The following GRIP2 variants were observed in gnomAD, a reference collection of about 807,000 sequenced individuals.
GRIP2 encodes glutamate receptor interacting protein 2.
A neutral mutation model predicts 108.3 loss-of-function variants in GRIP2; 58 were observed. That is an observed-to-expected ratio of 0.54 (90% confidence interval 0.43 to 0.67). The LOEUF (loss-of-function observed/expected upper bound fraction) is 0.67, where lower values mean the gene tolerates loss of function less well. GRIP2 is among the 30% of genes least tolerant of loss of function. The pLI is 0.00. For missense variants in GRIP2, 1,278 were observed against 1,430.6 expected, an observed-to-expected ratio of 0.89 and a Z score of 1.72; for synonymous variants, 586 against 598.2, an observed-to-expected ratio of 0.98 and a Z score of 0.30.
chr3:14,497,088 A>C (rs917535806), intron 21 of GRIP2, among the ~76,000 whole-genome samples: 1 of 151,902 alleles, frequency 6.6e-6, no homozygotes, highest in Non-Finnish European at 1.5e-5. Flanking sequence ...CATCCTCCTG[A>C]ATAGCTGGAA....
chr3:14,551,753 C>CG, intron 1 of GRIP2, among the ~76,000 whole-genome samples: 2 of 152,280 alleles, frequency 1.3e-5, no homozygotes, highest in East Asian at 3.9e-4. Flanking sequence ...GGAACGCCCC[C>CG]GGGGTGAAAT....
intron 9 of GRIP2, 140 bp from the exon 10 acceptor site, chr3:14,518,037 C>T: frequency 9.8e-7 from 1 of 1,019,806 alleles, no homozygotes; most frequent in Non-Finnish European, 1.4e-6. Context: ...CTCACATGTC[C>T]CGGACGCCTA....
intron 17 of GRIP2, among the ~76,000 whole-genome samples, chr3:14,508,198 T>C (rs1475047006): frequency 6.6e-6 from 1 of 152,202 alleles, no homozygotes; most frequent in African/African-American, 2.4e-5. Context: ...ATGGGCATAA[T>C]CACCAGCGCC....
intron 11 of GRIP2, among the ~76,000 whole-genome samples, chr3:14,515,130 A>G (rs1446535713): frequency 6.6e-6 from 1 of 152,198 alleles, no homozygotes; most frequent in Non-Finnish European, 1.5e-5. Context: ...ACTTGGCATA[A>G]TGTTTTCAAG....
chr3:14,568,431 A>C, the GRIP2 span, among the ~76,000 whole-genome samples: 1 of 152,174 alleles, frequency 6.6e-6, no homozygotes, highest in Admixed American at 6.5e-5. Flanking sequence ...TTTACAGAGG[A>C]GGAACCTGAG....
At chr3:14,601,566 A>G in the GRIP2 span, among the ~76,000 whole-genome samples, 1 of 152,174 alleles carries the variant, frequency 6.6e-6, no homozygotes, top group East Asian at 1.9e-4. Context: ...CTCGCTGGGC[A>G]CACCTATAGG....
intron 1 of GRIP2, among the ~76,000 whole-genome samples, chr3:14,532,182 C>T (rs1024358355): frequency 9.2e-5 from 14 of 152,252 alleles, no homozygotes; most frequent in African/African-American, 3.4e-4. Flanking sequence ...GGCCCACGCG[C>T]CCTCCCATCC....
At chr3:14,585,312 C>G in the GRIP2 span, among the ~76,000 whole-genome samples, 44 of 152,352 alleles carry the variant, frequency 2.9e-4, no homozygotes, top group Admixed American at 1.0e-3. Flanking sequence ...TGAGCCACCA[C>G]GCCTGGCCAT....
chr3:14,568,719 G>A, the GRIP2 span, among the ~76,000 whole-genome samples: 3 of 152,206 alleles, frequency 2.0e-5, no homozygotes, highest in Non-Finnish European at 4.4e-5. Flanking sequence ...GAGATGGGAT[G>A]GGGCCCCTGC....
At chr3:14,551,055 C>T (rs1009498528) in intron 1 of GRIP2, among the ~76,000 whole-genome samples, 13 of 152,032 alleles carry the variant, frequency 8.6e-5, no homozygotes, top group Middle Eastern at 3.2e-3. Context: ...CTTCCAGGCC[C>T]GGGAGAGCAG....
intron 1 of GRIP2, among the ~76,000 whole-genome samples, chr3:14,527,145 C>G (rs1424164576): frequency 6.6e-6 from 1 of 152,106 alleles, no homozygotes; most frequent in Non-Finnish European, 1.5e-5. Context: ...TGTGATTGCG[C>G]CACTGCATTC....
chr3:14,600,296 C>T, the GRIP2 span, among the ~76,000 whole-genome samples: 2 of 152,206 alleles, frequency 1.3e-5, no homozygotes, highest in African/African-American at 2.4e-5. Context: ...ATTTCTTAAG[C>T]ACCTATTACG....
chr3:14,569,566 G>C, the GRIP2 span, among the ~76,000 whole-genome samples: 1 of 152,176 alleles, frequency 6.6e-6, no homozygotes, highest in South Asian at 2.1e-4. Context: ...GGGTCCTGGG[G>C]GAGAGACCTG....
chr3:14,601,260 AAGAGGCAGAAAGTGAGCCTGAG>A, the GRIP2 span, among the ~76,000 whole-genome samples: 1 of 152,032 alleles, frequency 6.6e-6, no homozygotes, highest in African/African-American at 2.4e-5. Context: ...CACCCCTTTA[AAGAGGCAGAAAGTGAGCCTGAG>A]AGAGGCTTGT....
chr3:14,592,218 G>A, the GRIP2 span, among the ~76,000 whole-genome samples: 12 of 152,214 alleles, frequency 7.9e-5, no homozygotes, highest in African/African-American at 2.7e-4. Context: ...GTTGGAGTGG[G>A]GGAACTTTCA....
At chr3:14,542,713 T>C (rs1194297288), upstream of GRIP2, among the ~76,000 whole-genome samples, 1 of 152,214 alleles carries the variant, frequency 6.6e-6, no homozygotes, top group Admixed American at 6.5e-5. Context: ...AAACAGCATC[T>C]CCCCTTTGCC....
intron 1 of GRIP2, among the ~76,000 whole-genome samples, chr3:14,553,038 C>T (rs1695177651): frequency 6.6e-6 from 1 of 152,138 alleles, no homozygotes. Context: ...TCCCCACACC[C>T]TTCTTGCTGA....
the GRIP2 span, among the ~76,000 whole-genome samples, chr3:14,563,362 T>A: frequency 6.6e-6 from 1 of 151,962 alleles, no homozygotes; most frequent in South Asian, 2.1e-4. Flanking sequence ...AATGAAAATT[T>A]AAAATTTAAA....
chr3:14,538,019 C>T (rs1037456432), intron 1 of GRIP2, among the ~76,000 whole-genome samples: 2 of 152,186 alleles, frequency 1.3e-5, no homozygotes, highest in Non-Finnish European at 2.9e-5. Context: ...TGCCAGAACT[C>T]TGGGGTTAGT....
Sources: gnomAD v4.1 joint callset for allele counts (sites outside exome capture counted in the v4.1 genomes callset) on GRCh38, gnomAD v4.1.1 for gene constraint, MANE v1.5 for transcripts, NCBI Gene and HGNC (gene_info 2026-07-23, HGNC 2026-07-21) for gene names.